GPR183: variants seen among roughly 807,000 people sequenced by gnomAD.
GPR183 encodes the protein G protein-coupled receptor 183, also known as EBV-induced G-protein coupled receptor 2.
In GPR183, 9 loss-of-function variants were observed where a neutral mutation model predicts 19.7. That is an observed-to-expected ratio of 0.46 (90% confidence interval 0.28 to 0.80). GPR183 has a LOEUF of 0.80. Among genes scored for constraint, GPR183 ranks in the 30% least tolerant of loss-of-function variants. GPR183 has a pLI of 0.13. For missense variants in GPR183, 368 were observed against 446.7 expected, an observed-to-expected ratio of 0.82 and a Z score of 1.59; for synonymous variants, 160 against 155.1, an observed-to-expected ratio of 1.03 and a Z score of -0.24.
intron 1 of GPR183, among the ~76,000 whole-genome samples, 194 bp from the exon 2 acceptor site, chr13:99,296,357 G>T (rs1419466389): frequency 6.6e-6 from 1 of 152,136 alleles, no homozygotes; most frequent in Non-Finnish European, 1.5e-5. Context: ...ATGATAACAG[G>T]AAGAACAGAA....
chr13:99,298,720 C>T (rs891502604), intron 1 of GPR183, among the ~76,000 whole-genome samples: 5 of 151,934 alleles, frequency 3.3e-5, no homozygotes, highest in African/African-American at 1.2e-4. Context: ...AATAGAAAAT[C>T]ATAGGGATTT....
intron 1 of GPR183, among the ~76,000 whole-genome samples, chr13:99,302,199 G>A (rs943218101): frequency 6.6e-6 from 1 of 152,198 alleles, no homozygotes; most frequent in Admixed American, 6.5e-5. Flanking sequence ...CTAATTATAT[G>A]TGTATATTGT....
At chr13:99,298,435 A>G (rs1031402688) in intron 1 of GPR183, among the ~76,000 whole-genome samples, 3 of 152,202 alleles carry the variant, frequency 2.0e-5, no homozygotes, top group Non-Finnish European at 4.4e-5. Flanking sequence ...AAATTTCGAA[A>G]TGCTTAGAAC....
At chr13:99,300,634 A>G (rs1402893981) in intron 1 of GPR183, among the ~76,000 whole-genome samples, 1 of 152,198 alleles carries the variant, frequency 6.6e-6, no homozygotes. Context: ...ATTCAGCAGG[A>G]AAATGGTTTT....
At chr13:99,303,608 T>C (rs570650704) in intron 1 of GPR183, among the ~76,000 whole-genome samples, 1 of 152,358 alleles carries the variant, frequency 6.6e-6, no homozygotes, top group African/African-American at 2.4e-5. Context: ...ATTTGTAGGA[T>C]GCAGCATGTG....
Position 99,295,381 on chromosome 13 carries a change from G to A in GPR183, c.765C>T (p.Leu255=). The A allele has an allele frequency of 6.2e-7, 1 of 1,614,080 alleles. No individual in the cohort carries two copies. The highest frequency in any genetic ancestry group is 8.5e-7 in the Non-Finnish European group (1 of 1,179,982). The change falls in exon 2 of 2, where the codon CTC becomes CTT. Residue 255 remains leucine (L), a synonymous_variant. Coordinates refer to ENST00000376414, the MANE Select transcript of GPR183 (RefSeq NM_004951.5). The surrounding 1 kb of genome is among the most constrained non-coding windows in gnomAD (Gnocchi z 4.1). ...TTGCAACATGGTAAGGTGTGAAACA[G>A]AGAACAAACACAACAATAATAAGAA... ...TIILIIVVFV[L]CFTPYHVAII... is the part of the protein sequence containing the mutation.
At chr13:99,305,198 C>T (rs1328413943) in intron 1 of GPR183, among the ~76,000 whole-genome samples, 1 of 152,154 alleles carries the variant, frequency 6.6e-6, no homozygotes, top group Non-Finnish European at 1.5e-5. Flanking sequence ...TAGATATTTG[C>T]AGAGATTTAA....
At chr13:99,299,065 A>G (rs765588803) in intron 1 of GPR183, among the ~76,000 whole-genome samples, 5 of 152,198 alleles carry the variant, frequency 3.3e-5, no homozygotes, top group Admixed American at 6.5e-5. Context: ...CTCCATATGA[A>G]TAATTATTAT....
At chr13:99,303,447 AC>A (rs1252605510) in intron 1 of GPR183, among the ~76,000 whole-genome samples, 7 of 152,206 alleles carry the variant, frequency 4.6e-5, no homozygotes, top group Non-Finnish European at 8.8e-5. Context: ...GGTAAAAGCC[AC>A]CTATGTGGCT....
At position 99,295,220 on chromosome 13, in the gene GPR183, A is replaced by G. The variant is rs765076091; in HGVS notation, c.926T>C (p.Phe309Ser). Residue 309 changes from phenylalanine (F) to serine (S), a missense_variant, in exon 2 of 2, where the codon TTC (phenylalanine) becomes TCC (serine). Transcript: ENST00000376414. The surrounding 1 kb of genome is among the most constrained non-coding windows in gnomAD (Gnocchi z 4.1). The part of the protein sequence containing the change: ...FNCCMDPFIY[F>S]FACKGYKRKV... The stretch of plus-strand genomic sequence containing the variant: ...TCTCTTATACCCTTTACATGCAAAG[A>G]AGTAGATAAAAGGGTCCATGCAGCA... The G allele has an allele frequency of 3.1e-5, 50 of 1,614,040 alleles. No individual in the cohort carries two copies. The highest frequency in any genetic ancestry group is 4.0e-5 in the African/African-American group (3 of 74,922).
chr13:99,296,516 A>G (rs1206840097), intron 1 of GPR183, among the ~76,000 whole-genome samples: 3 of 152,128 alleles, frequency 2.0e-5, no homozygotes, highest in African/African-American at 7.2e-5. Flanking sequence ...CCTTTTTTGA[A>G]TCATTGTCTG....
intron 1 of GPR183, among the ~76,000 whole-genome samples, chr13:99,302,562 A>G (rs1324128189): frequency 6.6e-6 from 1 of 152,242 alleles, no homozygotes; most frequent in Non-Finnish European, 1.5e-5. Flanking sequence ...AATTTGGCCC[A>G]GTGTCACACA....
intron 1 of GPR183, among the ~76,000 whole-genome samples, chr13:99,303,147 G>A (rs1030818394): frequency 1.3e-5 from 2 of 152,220 alleles, no homozygotes; most frequent in Admixed American, 1.3e-4. Flanking sequence ...GCTCCCAATA[G>A]ATCTGCGAAA....
chr13:99,299,720 T>G (rs558246742), intron 1 of GPR183, among the ~76,000 whole-genome samples: 1 of 152,204 alleles, frequency 6.6e-6, no homozygotes, highest in Non-Finnish European at 1.5e-5. Flanking sequence ...TTTTCAGATT[T>G]CTGCATTGAC....
rs1382520283 is a variant in GPR183 at position 99,296,138 on chromosome 13, A to G, written c.8T>C (p.Ile3Thr). 6.9e-6 allele frequency: 11 copies of G among 1,598,470 alleles called. No individual in the cohort carries two copies. Among genetic ancestry groups the G allele is most frequent in the Non-Finnish European group, 9.4e-6 (11 of 1,170,672 alleles). ...CGGAGTAAAATTGTTTGCCATTTGTATATCCATTGGTGGTGGTCCAGGTGT... is the reference window on the plus strand; with the variant it reads ...CGGAGTAAAATTGTTTGCCATTTGTGTATCCATTGGTGGTGGTCCAGGTGT... MD[I>T]QMANNFTPPS... Residue 3 changes from isoleucine (I) to threonine (T), a missense_variant, in exon 2 of 2, where the codon ATA (isoleucine) becomes ACA (threonine). By Grantham distance (89) the Ile-to-Thr change is moderately conservative. Coordinates refer to ENST00000376414, the MANE Select transcript of GPR183 (RefSeq NM_004951.5).
At chr13:99,307,124 G>T (rs2044347871) in intron 1 of GPR183, among the ~76,000 whole-genome samples, 1 of 152,088 alleles carries the variant, frequency 6.6e-6, no homozygotes, top group Non-Finnish European at 1.5e-5. Context: ...GATATTTCTG[G>T]TGGACCCATC....
chr13:99,300,565 A>G (rs1315867481), intron 1 of GPR183, among the ~76,000 whole-genome samples: 1 of 152,236 alleles, frequency 6.6e-6, no homozygotes, highest in African/African-American at 2.4e-5. Context: ...ATTACTTTAT[A>G]TCTTCCTTTA....
intron 1 of GPR183, among the ~76,000 whole-genome samples, chr13:99,305,949 G>T (rs2044327569): frequency 1.3e-5 from 2 of 152,244 alleles, no homozygotes; most frequent in South Asian, 2.1e-4. Context: ...AGGCTAGAGT[G>T]CAGTGGCGCA....
intron 1 of GPR183, among the ~76,000 whole-genome samples, chr13:99,302,504 A>G (rs781225119): frequency 6.6e-6 from 1 of 152,204 alleles, no homozygotes; most frequent in Non-Finnish European, 1.5e-5. Flanking sequence ...TTTGATAAGT[A>G]TTTGTCAATT....
Sources: allele counts gnomAD v4.1 joint callset (sites outside exome capture counted in the v4.1 genomes callset), GRCh38; gene constraint gnomAD v4.1.1; non-coding constraint Gnocchi (gnomAD v3.1); transcripts MANE v1.5; gene names NCBI Gene and HGNC (gene_info 2026-07-23, HGNC 2026-07-21).